LGR5: variants seen among roughly 807,000 people sequenced by gnomAD.
LGR5 encodes the protein leucine rich repeat containing G protein-coupled receptor 5.
LGR5 carries 54 observed loss-of-function variants against 76.7 expected under a neutral mutation model. That is an observed-to-expected ratio of 0.70 (90% CI 0.57 to 0.88). The LOEUF (loss-of-function observed/expected upper bound fraction) is 0.88. LGR5 is among the 40% of genes least tolerant of loss of function. The pLI is 0.00. For synonymous variants in LGR5, 406 were observed against 421.9 expected, an observed-to-expected ratio of 0.96 and a Z score of 0.46; for missense variants, 1,078 against 1,073.3, an observed-to-expected ratio of 1.00 and a Z score of -0.06.
intron 1 of LGR5, among the ~76,000 whole-genome samples, chr12:71,450,788 T>C (rs1394284358): frequency 2.6e-5 from 4 of 152,182 alleles, no homozygotes; most frequent in Admixed American, 1.3e-4. Context: ...CAGTTTCCTG[T>C]CATGGTCTAC....
intron 3 of LGR5, among the ~76,000 whole-genome samples, chr12:71,531,245 A>G (rs773098132): frequency 2.0e-5 from 3 of 152,180 alleles, no homozygotes; most frequent in Non-Finnish European, 4.4e-5. Flanking sequence ...AGTAAGGAGT[A>G]TTTTCAAAAG....
intron 1 of LGR5, among the ~76,000 whole-genome samples, chr12:71,454,119 T>C (rs1872364807): frequency 6.6e-6 from 1 of 152,136 alleles, no homozygotes; most frequent in Non-Finnish European, 1.5e-5. Flanking sequence ...TGAGCCTGTA[T>C]TATTGTCTCT....
intron 11 of LGR5, among the ~76,000 whole-genome samples, chr12:71,569,515 CAA>C (rs61513157): frequency 4.6e-5 from 7 of 151,928 alleles, no homozygotes; most frequent in South Asian, 4.1e-4. Context: ...AGACACTTCT[CAA>C]AAAAAAAGAC....
intron 13 of LGR5, 51 bp downstream of exon 13, chr12:71,572,972 T>G: frequency 7.6e-7 from 1 of 1,316,702 alleles, no homozygotes; most frequent in Non-Finnish European, 1.1e-6. Flanking sequence ...TTTCTTTCTC[T>G]TTGGGGCCTT....
intron 1 of LGR5, among the ~76,000 whole-genome samples, chr12:71,498,796 T>C (rs1206030934): frequency 6.6e-6 from 1 of 152,184 alleles, no homozygotes; most frequent in Non-Finnish European, 1.5e-5. Context: ...GGTATGGGTA[T>C]GGTAAGCAGG....
At chr12:71,555,550 G>C (rs893066955) in intron 5 of LGR5, among the ~76,000 whole-genome samples, 1 of 152,140 alleles carries the variant, frequency 6.6e-6, no homozygotes, top group Non-Finnish European at 1.5e-5. Flanking sequence ...TGAAATCATT[G>C]TTTCCTGTTG....
intron 1 of LGR5, among the ~76,000 whole-genome samples, chr12:71,485,695 A>C (rs969350824): frequency 3.3e-5 from 5 of 151,960 alleles, no homozygotes; most frequent in African/African-American, 1.2e-4. Flanking sequence ...GTGCCACTGC[A>C]CTCCAGCCTG....
At chr12:71,510,908 A>G (rs563033878) in intron 2 of LGR5, among the ~76,000 whole-genome samples, 1 of 151,462 alleles carries the variant, frequency 6.6e-6, no homozygotes, top group East Asian at 1.9e-4. Context: ...GTGGAGCTGC[A>G]AAAAAAATCA....
chr12:71,584,307 A>G lies in LGR5; in HGVS notation c.2297A>G (p.Lys766Arg), dbSNP rs1459742226. 1 of 1,614,180 alleles carries G rather than the reference A, an allele frequency of 6.2e-7. No homozygotes were observed. Among genetic ancestry groups the G allele is most frequent in the East Asian group, 2.2e-5 (1 of 44,876 alleles). Reference sequence around the variant, plus strand: ...AATATTTGGGACTGCTCTATGGTAAAACACATTGCCCTGTTGCTCTTCACC... The same window carrying G: ...AATATTTGGGACTGCTCTATGGTAAGACACATTGCCCTGTTGCTCTTCACC... ...LENIWDCSMVKHIALLLFTNC... is the reference protein window; with the variant it reads ...LENIWDCSMVRHIALLLFTNC... The change falls in exon 18 of 18, where the codon AAA becomes AGA. Residue 766 changes from lysine (K) to arginine (R), a missense_variant. Physicochemically the swap from Lys to Arg is conservative, Grantham distance 26. Transcript: ENST00000266674.
chr12:71,565,258 C>T (rs1175428677), intron 8 of LGR5, among the ~76,000 whole-genome samples: 1 of 151,674 alleles, frequency 6.6e-6, no homozygotes, highest in Admixed American at 6.6e-5. Flanking sequence ...TTATCCAAAC[C>T]CTACCACTAA....
intron 1 of LGR5, among the ~76,000 whole-genome samples, chr12:71,478,215 AATT>A (rs1265887066): frequency 1.3e-5 from 2 of 152,186 alleles, no homozygotes; most frequent in Non-Finnish European, 2.9e-5. Context: ...AATAACAGTG[AATT>A]ATTATACCTT....
At chr12:71,527,786 C>T (rs1353377976) in intron 3 of LGR5, among the ~76,000 whole-genome samples, 1 of 152,160 alleles carries the variant, frequency 6.6e-6, no homozygotes, top group African/African-American at 2.4e-5. Flanking sequence ...CAAACCATAA[C>T]AGCATTAGAA....
chr12:71,548,270 T>C (rs973184500), intron 4 of LGR5, among the ~76,000 whole-genome samples: 5 of 150,604 alleles, frequency 3.3e-5, no homozygotes, highest in African/African-American at 1.2e-4. Context: ...ATCAGTGGTG[T>C]ATCAGGAACA....
intron 2 of LGR5, among the ~76,000 whole-genome samples, chr12:71,507,980 G>A (rs183047747): frequency 4.4e-4 from 67 of 151,872 alleles, no homozygotes; most frequent in South Asian, 2.5e-3. Context: ...CAGCACTTTC[G>A]GAGGCCAAGG....
intron 4 of LGR5, among the ~76,000 whole-genome samples, chr12:71,548,324 T>TGTGTGTGTGTGTGC (rs1555173645): frequency 6.6e-6 from 1 of 151,908 alleles, no homozygotes; most frequent in South Asian, 2.1e-4. Context: ...TGTGTGTGTG[T>TGTGTGTGTGTGTGC]GCGTAGATAC....
At chr12:71,488,081 G>C (rs1399183204) in intron 1 of LGR5, among the ~76,000 whole-genome samples, 1 of 152,132 alleles carries the variant, frequency 6.6e-6, no homozygotes, top group Non-Finnish European at 1.5e-5. Context: ...GTTTTTTCCT[G>C]TTCATCCAGA....
At chr12:71,539,639 G>A (rs1434027252) in intron 4 of LGR5, among the ~76,000 whole-genome samples, 2 of 152,050 alleles carry the variant, frequency 1.3e-5, no homozygotes, top group Non-Finnish European at 2.9e-5. Context: ...CACCACGGCT[G>A]GCTAATTTTT....
At position 71,584,148 on chromosome 12, in the gene LGR5, T is replaced by C. The variant is rs1369310579; in HGVS notation, c.2138T>C (p.Leu713Pro). ...AAGTATGGCGCCTCCCCTCTCTGCCTGCCTTTGCCTTTTGGGGAGCCCAGC... is the reference window on the plus strand; with the variant it reads ...AAGTATGGCGCCTCCCCTCTCTGCCCGCCTTTGCCTTTTGGGGAGCCCAGC... ...GSKYGASPLC[L>P]PLPFGEPSTM... The change falls in exon 18 of 18, where the codon CTG (leucine) becomes CCG (proline). Residue 713 changes from leucine (L) to proline (P), a missense_variant. Physicochemically the swap from Leu to Pro is moderately conservative, Grantham distance 98. Transcript: ENST00000266674. 6.2e-7 allele frequency: 1 copy of C among 1,614,236 alleles called. No homozygotes were observed. The highest frequency in any genetic ancestry group is 8.5e-7 in the Non-Finnish European group (1 of 1,180,032).
At chr12:71,567,902 G>A (rs1336995421) in intron 11 of LGR5, among the ~76,000 whole-genome samples, 1 of 152,048 alleles carries the variant, frequency 6.6e-6, no homozygotes, top group Non-Finnish European at 1.5e-5. Context: ...AGCAGTATTA[G>A]AGAATTTAAT....
Sources: gnomAD v4.1 joint callset for allele counts (sites outside exome capture counted in the v4.1 genomes callset) on GRCh38, gnomAD v4.1.1 for gene constraint, MANE v1.5 for transcripts, NCBI Gene and HGNC (gene_info 2026-07-23, HGNC 2026-07-21) for gene names.